The following GRXCR2 variants were observed in gnomAD, a reference collection of about 807,000 sequenced individuals.
GRXCR2 encodes the protein glutaredoxin domain-containing cysteine-rich protein 2.
GRXCR2 carries 23 observed loss-of-function variants against 24.8 expected under a neutral mutation model. The ratio of observed to expected loss-of-function variants is 0.93; its 90% CI spans 0.67 to 1.32. The LOEUF is 1.32. Among genes scored for constraint, GRXCR2 ranks in the 40% most tolerant of loss-of-function variants. The pLI is 0.00. For missense variants in GRXCR2, 315 were observed against 303.4 expected, an observed-to-expected ratio of 1.04 and a Z score of -0.28; for synonymous variants, 130 against 116.1, an observed-to-expected ratio of 1.12 and a Z score of -0.77.
rs79733581 is a variant in GRXCR2 at position 145,930,166 on chromosome 5, C to G, written c.-70+5535G>C. Among the ~76,000 whole-genome samples the G allele has an allele frequency of 2.6e-3, 398 of 152,202 alleles. 3 individuals carry two copies. The highest frequency in any genetic ancestry group is 9.0e-3 in the African/African-American group (374 of 41,526). ...GTGGTGCAATCTCAGCTCACTGCAG[C>G]CTCTGCCTCCCAGATTCAACTGATT... On this transcript the variant is annotated intron_variant, in intron 2 of 3. Transcript: ENST00000639411.
chr5:145,895,927 T>C (rs563511474), intron 2 of GRXCR2, among the ~76,000 whole-genome samples: 1 of 152,042 alleles, frequency 6.6e-6, no homozygotes, highest in Non-Finnish European at 1.5e-5. Context: ...CTGGTACCAA[T>C]ACAGAGATAT....
intron 2 of GRXCR2, among the ~76,000 whole-genome samples, chr5:145,905,855 A>G (rs1246310962): frequency 6.6e-6 from 1 of 152,202 alleles, no homozygotes; most frequent in East Asian, 1.9e-4. Flanking sequence ...AAATAAATAA[A>G]TGAATGAACA....
chr5:145,912,871 C>T (rs766623082), intron 2 of GRXCR2, among the ~76,000 whole-genome samples: 4 of 151,962 alleles, frequency 2.6e-5, no homozygotes, highest in Non-Finnish European at 4.4e-5. Flanking sequence ...CCAGCTCATG[C>T]GGGCCTGGTA....
At chr5:145,901,774 A>G (rs558424079) in intron 2 of GRXCR2, among the ~76,000 whole-genome samples, 7 of 152,214 alleles carry the variant, frequency 4.6e-5, no homozygotes, top group African/African-American at 1.7e-4. Flanking sequence ...TGTAGCGGGA[A>G]TGTAACTAAT....
chr5:145,900,373 G>T (rs1757008394), intron 2 of GRXCR2, among the ~76,000 whole-genome samples: 1 of 152,094 alleles, frequency 6.6e-6, no homozygotes, highest in South Asian at 2.1e-4. Context: ...CCCCAGTCAT[G>T]CTTTCTGTAC....
At chr5:145,871,553 C>T (rs746076864) in intron 1 of GRXCR2, among the ~76,000 whole-genome samples, 1 of 152,168 alleles carries the variant, frequency 6.6e-6, no homozygotes, top group Non-Finnish European at 1.5e-5. Context: ...TACATGATGA[C>T]ACTTTGTACT....
chr5:145,892,533 G>C (rs1304418032), intron 2 of GRXCR2, among the ~76,000 whole-genome samples: 1 of 152,186 alleles, frequency 6.6e-6, no homozygotes, highest in Non-Finnish European at 1.5e-5. Flanking sequence ...AAGGGTATCA[G>C]TGATGGAAGA....
At chr5:145,915,940 C>A (rs1225132582) in intron 2 of GRXCR2, among the ~76,000 whole-genome samples, 1 of 152,164 alleles carries the variant, frequency 6.6e-6, no homozygotes, top group African/African-American at 2.4e-5. Context: ...TAAATATTAG[C>A]TCAAATGCAC....
chr5:145,861,624 C>A (rs1756341059), intron 2 of GRXCR2, among the ~76,000 whole-genome samples: 2 of 152,136 alleles, frequency 1.3e-5, no homozygotes. Context: ...GGACTTGTAC[C>A]ATTTCATGAT....
At chr5:145,899,607 C>T (rs565636957) in intron 2 of GRXCR2, among the ~76,000 whole-genome samples, 6 of 152,130 alleles carry the variant, frequency 3.9e-5, no homozygotes, top group South Asian at 4.2e-4. Context: ...TAAAGCAGCA[C>T]GTCTACAGCC....
upstream of GRXCR2, among the ~76,000 whole-genome samples, chr5:145,876,191 GTA>G (rs748811333): frequency 3.0e-3 from 318 of 105,252 alleles, 1 homozygote; most frequent in African/African-American, 6.2e-3. Flanking sequence ...GTGTGTGTGT[GTA>G]TATATATATA....
intron 2 of GRXCR2, among the ~76,000 whole-genome samples, chr5:145,911,624 A>G (rs1410268092): frequency 1.3e-5 from 2 of 152,206 alleles, no homozygotes; most frequent in Non-Finnish European, 2.9e-5. Context: ...GAGCAGGTGG[A>G]ACTCAGATAT....
chr5:145,911,975 T>G (rs138013995), intron 2 of GRXCR2, among the ~76,000 whole-genome samples: 25 of 152,278 alleles, frequency 1.6e-4, no homozygotes, highest in Non-Finnish European at 3.5e-4. Flanking sequence ...CACACACCTG[T>G]GGTCACAGCT....
chr5:145,876,191 G>GTATATATA (rs748811333), upstream of GRXCR2, among the ~76,000 whole-genome samples: 4,820 of 104,746 alleles, frequency 0.046, 114 homozygotes, highest in Non-Finnish European at 0.052. Context: ...GTGTGTGTGT[G>GTATATATA]TATATATATA....
At position 145,872,735 on chromosome 5, in the gene GRXCR2, A is replaced by G. The variant is rs1756553419; in HGVS notation, c.234T>C (p.Pro78=). ...CACTGATCCTCTGAGCAGTCAGCTTAGGGGAGCACATCTGGGGCCTGGGGA... is the reference window on the plus strand; with the variant it reads ...CACTGATCCTCTGAGCAGTCAGCTTGGGGGAGCACATCTGGGGCCTGGGGA... ...GEVPRPQMCS[P]KLTAQRISVF... Residue 78 remains proline, a synonymous_variant, in exon 1 of 3, where the codon CCT becomes CCC. Coordinates refer to ENST00000377976, the MANE Select transcript of GRXCR2 (RefSeq NM_001080516.2). 3.1e-6 allele frequency: 5 copies of G among 1,614,056 alleles called. No homozygotes were observed. Among genetic ancestry groups the G allele is most frequent in the Non-Finnish European group, 4.2e-6 (5 of 1,179,896 alleles).
At chr5:145,860,796 A>G (rs1163756839) in intron 2 of GRXCR2, among the ~76,000 whole-genome samples, 1 of 152,150 alleles carries the variant, frequency 6.6e-6, no homozygotes, top group African/African-American at 2.4e-5. Flanking sequence ...ATAGAATTGA[A>G]TAATAATGCT....
At chr5:145,878,455 A>C (rs1756651768) in intron 2 of GRXCR2, among the ~76,000 whole-genome samples, 1 of 152,214 alleles carries the variant, frequency 6.6e-6, no homozygotes. Flanking sequence ...CAGTGATTGA[A>C]GATCAAATTA....
intron 2 of GRXCR2, among the ~76,000 whole-genome samples, chr5:145,889,152 G>A (rs1756820010): frequency 6.9e-6 from 1 of 144,092 alleles, no homozygotes; most frequent in Non-Finnish European, 1.5e-5. Flanking sequence ...CTGGGTGACA[G>A]ACCGAGACTC....
upstream of GRXCR2, among the ~76,000 whole-genome samples, chr5:145,877,556 T>C (rs905722661): frequency 8.5e-5 from 13 of 152,214 alleles, no homozygotes; most frequent in African/African-American, 2.9e-4. Context: ...TTCTGTGACA[T>C]AGAATTTATA....
Sources: allele counts gnomAD v4.1 joint callset (sites outside exome capture counted in the v4.1 genomes callset), GRCh38; gene constraint gnomAD v4.1.1; transcripts MANE v1.5; gene names NCBI Gene and HGNC (gene_info 2026-07-23, HGNC 2026-07-21).